The following PTPRG variants were observed in gnomAD, a reference collection of about 807,000 sequenced individuals.
PTPRG encodes the protein protein tyrosine phosphatase receptor type G, also known as receptor-type tyrosine-protein phosphatase gamma.
In PTPRG, 102 loss-of-function variants were observed where a neutral mutation model predicts 165.3. That is an observed-to-expected ratio of 0.62 (90% CI 0.53 to 0.73). The LOEUF (loss-of-function observed/expected upper bound fraction) is 0.73. Ranked by LOEUF, PTPRG falls within the 30% of genes least tolerant of loss-of-function variation. The pLI is 0.00. For missense variants in PTPRG, 1,866 were observed against 1,861.4 expected, an observed-to-expected ratio of 1.00 and a Z score of -0.05; for synonymous variants, 675 against 669.5, an observed-to-expected ratio of 1.01 and a Z score of -0.13.
chr3:61,734,681 A>G (rs1179265841), intron 1 of PTPRG, among the ~76,000 whole-genome samples: 2 of 152,190 alleles, frequency 1.3e-5, no homozygotes, highest in African/African-American at 4.8e-5. Flanking sequence ...CAAAGATACA[A>G]AATGACTCTT....
At chr3:61,926,915 G>A (rs1462222810) in intron 2 of PTPRG, among the ~76,000 whole-genome samples, 1 of 151,652 alleles carries the variant, frequency 6.6e-6, no homozygotes, top group Non-Finnish European at 1.5e-5. Flanking sequence ...AACAGTTCGG[G>A]GGGAAGAAAA....
chr3:61,728,704 A>G (rs548172826), intron 1 of PTPRG, among the ~76,000 whole-genome samples: 5 of 152,194 alleles, frequency 3.3e-5, no homozygotes, highest in Non-Finnish European at 4.4e-5. Context: ...ATTATTTTAT[A>G]TCTTAGGTGC....
intron 2 of PTPRG, among the ~76,000 whole-genome samples, chr3:61,804,909 A>C (rs1020127392): frequency 5.9e-5 from 9 of 152,080 alleles, no homozygotes; most frequent in Non-Finnish European, 1.2e-4. Flanking sequence ...AGACACAGGC[A>C]TTTTCCTCTT....
chr3:61,889,095 T>A (rs2038134504), intron 2 of PTPRG, among the ~76,000 whole-genome samples: 1 of 152,240 alleles, frequency 6.6e-6, no homozygotes. Flanking sequence ...GATGATACTT[T>A]GAATCTGTGT....
At chr3:61,903,211 G>A (rs1161551074) in intron 2 of PTPRG, among the ~76,000 whole-genome samples, 1 of 152,032 alleles carries the variant, frequency 6.6e-6, no homozygotes, top group Non-Finnish European at 1.5e-5. Flanking sequence ...ATTCCCCAGC[G>A]AATCCCATGA....
chr3:61,950,302 A>G (rs746775715), intron 2 of PTPRG, among the ~76,000 whole-genome samples: 4 of 151,982 alleles, frequency 2.6e-5, no homozygotes, highest in Non-Finnish European at 4.4e-5. Context: ...AGTTTTGCTT[A>G]TACCTGTGTT....
chr3:61,869,675 C>T (rs1282153198), intron 2 of PTPRG, among the ~76,000 whole-genome samples: 5 of 151,978 alleles, frequency 3.3e-5, no homozygotes, highest in African/African-American at 1.2e-4. Flanking sequence ...ACCTCCTGGG[C>T]TTAACTGATC....
At chr3:62,157,987 A>T (rs777617526) in intron 7 of PTPRG, among the ~76,000 whole-genome samples, 2 of 152,192 alleles carry the variant, frequency 1.3e-5, no homozygotes, top group African/African-American at 2.4e-5. Flanking sequence ...TTAATGAATG[A>T]TGAAGCCAAA....
intron 2 of PTPRG, among the ~76,000 whole-genome samples, chr3:61,908,264 A>G (rs1334158379): frequency 1.3e-5 from 2 of 151,658 alleles, no homozygotes; most frequent in Non-Finnish European, 2.9e-5. Context: ...TGTCTCTATT[A>G]AAAATGCAAA....
intron 1 of PTPRG, among the ~76,000 whole-genome samples, chr3:61,730,062 G>T (rs1249354202): frequency 6.6e-6 from 1 of 152,214 alleles, no homozygotes; most frequent in Non-Finnish European, 1.5e-5. Flanking sequence ...GTTTAGATGG[G>T]TCTTCCTTAG....
intron 5 of PTPRG, among the ~76,000 whole-genome samples, chr3:62,089,467 C>T (rs1575989267): frequency 2.0e-5 from 3 of 152,278 alleles, no homozygotes; most frequent in Admixed American, 1.3e-4. Flanking sequence ...GATTAGGAAA[C>T]GGTCTATTGC....
At chr3:61,945,355 T>G (rs2039730933) in intron 2 of PTPRG, among the ~76,000 whole-genome samples, 1 of 151,380 alleles carries the variant, frequency 6.6e-6, no homozygotes, top group Non-Finnish European at 1.5e-5. Flanking sequence ...AGGTCAGGAG[T>G]TCGAGACGAG....
At chr3:61,965,990 T>C (rs951480830) in intron 2 of PTPRG, among the ~76,000 whole-genome samples, 7 of 152,234 alleles carry the variant, frequency 4.6e-5, no homozygotes, top group Non-Finnish European at 7.3e-5. Flanking sequence ...AGCAAACTTT[T>C]CTTTCATGGC....
intron 1 of PTPRG, among the ~76,000 whole-genome samples, chr3:61,672,581 A>G (rs78773008): frequency 3.5e-5 from 2 of 56,482 alleles, no homozygotes; most frequent in South Asian, 8.9e-4. Context: ...CCAGTCAGGC[A>G]TGGCGGCGCC....
chr3:62,099,662 A>G (rs886929038), intron 5 of PTPRG, among the ~76,000 whole-genome samples: 1 of 152,134 alleles, frequency 6.6e-6, no homozygotes, highest in African/African-American at 2.4e-5. Context: ...AAATGTTAAT[A>G]CCATAAGCAA....
chr3:62,013,903 A>G (rs2107743556), intron 4 of PTPRG, among the ~76,000 whole-genome samples: 1 of 152,232 alleles, frequency 6.6e-6, no homozygotes, highest in East Asian at 1.9e-4. Flanking sequence ...CGGGAACTCA[A>G]ATAAAGCTGG....
intron 3 of PTPRG, among the ~76,000 whole-genome samples, chr3:61,992,670 C>T (rs1002310134): frequency 1.6e-4 from 24 of 152,156 alleles, no homozygotes; most frequent in Admixed American, 1.3e-4. Context: ...CAGGAGTGCG[C>T]GCCACCACCC....
chr3:62,160,269 G>C (rs1187785326), intron 7 of PTPRG, among the ~76,000 whole-genome samples: 2 of 152,226 alleles, frequency 1.3e-5, no homozygotes, highest in Non-Finnish European at 2.9e-5. Flanking sequence ...CAGGCAAACA[G>C]TAATCTTTCT....
chr3:61,718,350 C>T (rs2031905679), intron 1 of PTPRG, among the ~76,000 whole-genome samples: 1 of 151,838 alleles, frequency 6.6e-6, no homozygotes, highest in Non-Finnish European at 1.5e-5. Flanking sequence ...TTCATTTTAA[C>T]AAGCTGTGAT....
Sources: allele counts gnomAD v4.1 joint callset (sites outside exome capture counted in the v4.1 genomes callset), GRCh38; gene constraint gnomAD v4.1.1; transcripts MANE v1.5; gene names NCBI Gene and HGNC (gene_info 2026-07-23, HGNC 2026-07-21).